HMCN1: variants seen among roughly 807,000 people sequenced by gnomAD.
HMCN1 encodes the protein hemicentin 1, also known as hemicentin-1.
HMCN1 carries 321 observed loss-of-function variants against 625.9 expected under a neutral mutation model. That is an observed-to-expected ratio of 0.51 (90% CI 0.47 to 0.56). The LOEUF is 0.56. Ranked by LOEUF, HMCN1 falls within the 20% of genes least tolerant of loss-of-function variation. The pLI, the probability that HMCN1 is intolerant of heterozygous loss-of-function variation, is 0.00. For synonymous variants in HMCN1, 2,425 were observed against 2,417.6 expected (o/e 1.00, Z -0.09); for missense variants, 6,588 against 6,887.3 (o/e 0.96, Z 1.54).
chr1:185,892,313 T>C (rs187587721), intron 4 of HMCN1, among the ~76,000 whole-genome samples: 11 of 152,130 alleles, frequency 7.2e-5, no homozygotes, highest in Non-Finnish European at 1.3e-4. Flanking sequence ...TCTCAGCTCA[T>C]CAAAGTCATT....
intron 1 of HMCN1, among the ~76,000 whole-genome samples, chr1:185,803,367 A>G (rs1658944829): frequency 6.6e-6 from 1 of 152,030 alleles, no homozygotes; most frequent in South Asian, 2.1e-4. Context: ...TTCATTACAA[A>G]CTTTCATCAT....
chr1:185,807,384 C>T (rs537675779), intron 1 of HMCN1, among the ~76,000 whole-genome samples: 26 of 152,290 alleles, frequency 1.7e-4, no homozygotes, highest in South Asian at 1.2e-3. Flanking sequence ...CTTCTCTTAA[C>T]ATGCAGAATA....
chr1:186,114,702 C>A, intron 73 of HMCN1, 117 bp from the exon 74 acceptor site: 2 of 1,256,918 alleles, frequency 1.6e-6, no homozygotes, highest in Non-Finnish European at 2.3e-6. Context: ...CATGTGTCAT[C>A]TGAAACAGGA....
intron 49 of HMCN1, among the ~76,000 whole-genome samples, chr1:186,065,672 A>C (rs1658064379): frequency 1.3e-5 from 2 of 152,318 alleles, no homozygotes; most frequent in Admixed American, 6.5e-5. Context: ...AATAAGATAG[A>C]CTAATCAGTA....
intron 1 of HMCN1, among the ~76,000 whole-genome samples, chr1:185,826,081 G>A (rs1660492641): frequency 6.6e-6 from 1 of 151,890 alleles, no homozygotes. Context: ...CAACTTGCAG[G>A]GCTATTTTGA....
In HMCN1 at chr1:186,125,898, A is replaced by AT. The variant is rs577813551; in HGVS notation, c.12690+104_12690+105insT. The AT allele has an allele frequency of 2.7e-4, 219 of 806,878 alleles. 1 individual carries two copies. The African/African-American group carries it at 3.3e-3, about 12-fold the overall frequency. The allele number at this position is 806,878 out of a possible 1,614,324, so 50.0% of individuals were successfully genotyped here. ...AGTATATTCTTTAATAATTAAAAAAAATATTCTTGTAAAATCAGGTCACAA... is the reference window on the plus strand; with the variant it reads ...AGTATATTCTTTAATAATTAAAAAAATATATTCTTGTAAAATCAGGTCACAA... On this transcript the variant is annotated intron_variant, in intron 82 of 106. Transcript: ENST00000271588.
rs1043243209 is a variant in HMCN1 at position 186,054,861 on chromosome 1, G to C, written c.6863-532G>C. 3.3e-5 allele frequency among the ~76,000 whole-genome samples: 5 copies of C among 152,000 alleles called. No individual in the cohort carries two copies. In the East Asian group the frequency reaches 9.7e-4, roughly 30 times the overall value. On this transcript the variant is annotated intron_variant, in intron 44 of 106. Transcript: ENST00000271588. ...GGGCTGGTATCTTTCCCTTTTATTA[G>C]GAGAGCAAAAAATTTTCCCCAAAAT... is the stretch of plus-strand genomic sequence containing the variant.
chr1:185,863,380 C>T (rs1361611877), intron 2 of HMCN1, among the ~76,000 whole-genome samples: 5 of 152,148 alleles, frequency 3.3e-5, no homozygotes, highest in Non-Finnish European at 7.3e-5. Flanking sequence ...ATCAAAAGTC[C>T]ATTCCCTTGG....
intron 4 of HMCN1, among the ~76,000 whole-genome samples, chr1:185,887,285 T>G (rs1472244475): frequency 1.3e-5 from 2 of 152,140 alleles, no homozygotes; most frequent in African/African-American, 4.8e-5. Flanking sequence ...TCAATAGCTC[T>G]TAAATGAAAT....
At chr1:186,164,400 T>C (rs564237468) in intron 97 of HMCN1, among the ~76,000 whole-genome samples, 113 of 152,034 alleles carry the variant, frequency 7.4e-4, no homozygotes, top group Non-Finnish European at 3.5e-4. Context: ...CCACCACACC[T>C]GGCTAATTTT....
At position 186,063,079 on chromosome 1, in the gene HMCN1, T is replaced by TGC. The variant is rs1395644294; in HGVS notation, c.7513+479_7513+480insGC. ...GTGTGTGTGTGTGCATATATATATA[T>TGC]ATATATATATATATATATATATATC... On this transcript the variant is annotated intron_variant, in intron 48 of 106. Transcript: ENST00000271588. 2.8e-4 allele frequency among the ~76,000 whole-genome samples: 30 copies of TGC among 108,366 alleles called. No homozygotes were observed. In the East Asian group the frequency reaches 6.9e-3, roughly 25 times the overall value. 71.1% of individuals were successfully genotyped at this position (108,366 alleles called of 152,430 possible).
At chr1:186,063,103 TCA>T (rs1657860467) in intron 48 of HMCN1, among the ~76,000 whole-genome samples, 1 of 130,056 alleles carries the variant, frequency 7.7e-6, no homozygotes, top group Admixed American at 7.8e-5. Context: ...TATATATATA[TCA>T]CATTTTCATT....
intron 52 of HMCN1, among the ~76,000 whole-genome samples, 159 bp downstream of exon 52, chr1:186,070,916 C>G (rs1249780065): frequency 6.6e-6 from 1 of 151,820 alleles, no homozygotes; most frequent in East Asian, 1.9e-4. Flanking sequence ...AAAAAAAAAC[C>G]CAACCAACCT....
chr1:185,918,426 G>A (rs1262240570), intron 6 of HMCN1, among the ~76,000 whole-genome samples: 2 of 152,182 alleles, frequency 1.3e-5, no homozygotes, highest in Non-Finnish European at 2.9e-5. Context: ...TAACCGTGCT[G>A]GCAGCCAGCT....
At chr1:186,029,539 G>GTTTTT (rs34307509) in intron 36 of HMCN1, among the ~76,000 whole-genome samples, 1 of 147,910 alleles carries the variant, frequency 6.8e-6, no homozygotes, top group Non-Finnish European at 1.5e-5. Context: ...TTCTCCTAAA[G>GTTTTT]TTTTTTTTTT....
At chr1:186,114,719 C>A in intron 73 of HMCN1, 100 bp from the exon 74 acceptor site, 1 of 1,391,380 alleles carries the variant, frequency 7.2e-7, no homozygotes, top group Non-Finnish European at 1.0e-6. Flanking sequence ...AGGAAAAATA[C>A]TGAATGGATT....
Position 185,994,877 on chromosome 1 carries a change from A to G in HMCN1, c.3568A>G (p.Ile1190Val). 6.2e-7 allele frequency: 1 copy of G among 1,613,796 alleles called. No homozygotes were observed. The highest frequency in any genetic ancestry group is 8.5e-7 in the Non-Finnish European group (1 of 1,179,764). ...LKVQVGQRVD[I>V]PCNAQGTPLP... is the part of the protein sequence containing the mutation. ...AGTCCAAGTTGGTCAAAGAGTGGATATTCCATGTAATGCTCAAGGGACTCC... is the reference window on the plus strand; with the variant it reads ...AGTCCAAGTTGGTCAAAGAGTGGATGTTCCATGTAATGCTCAAGGGACTCC... The change falls in exon 24 of 107, where the codon ATT (isoleucine) becomes GTT (valine). Residue 1190 changes from isoleucine (I) to valine (V), a missense_variant. By Grantham distance (29) the Ile-to-Val change is conservative (BLOSUM62 3). Coordinates refer to ENST00000271588, the MANE Select transcript of HMCN1 (RefSeq NM_031935.3).
At chr1:186,174,477 G>A (rs201340141) in intron 102 of HMCN1, 37 bp from the exon 103 acceptor site, 93 of 1,612,186 alleles carry the variant, frequency 5.8e-5, no homozygotes, top group Non-Finnish European at 7.8e-5. Flanking sequence ...GGGTTTGAAA[G>A]AGGAAATGTT....
chr1:185,796,766 A>C (rs1658413750), intron 1 of HMCN1, among the ~76,000 whole-genome samples: 1 of 152,040 alleles, frequency 6.6e-6, no homozygotes, highest in Non-Finnish European at 1.5e-5. Context: ...ACTTAGGTTG[A>C]CTCCATATCT....
Sources: allele counts gnomAD v4.1 joint callset (sites outside exome capture counted in the v4.1 genomes callset), GRCh38; gene constraint gnomAD v4.1.1; transcripts MANE v1.5; gene names NCBI Gene and HGNC (gene_info 2026-07-23, HGNC 2026-07-21).